Variants in CAST observed in about 807,000 individuals in gnomAD.
The protein encoded by CAST is MIR583 host.
Under a neutral mutation model 119.6 loss-of-function variants are expected in CAST, and 76 were observed. The ratio of observed to expected loss-of-function variants is 0.64; its 90% CI spans 0.53 to 0.77. The LOEUF (loss-of-function observed/expected upper bound fraction) is 0.77. Among genes scored for constraint, CAST ranks in the 30% least tolerant of loss-of-function variants. The pLI, the probability that CAST is intolerant of heterozygous loss-of-function variation, is 0.00. For synonymous variants in CAST, 319 were observed against 331.6 expected (o/e 0.96, Z 0.41); for missense variants, 953 against 946.5 (o/e 1.01, Z -0.09).
chr5:96,682,627 T>C (rs774693038), intron 2 of CAST, among the ~76,000 whole-genome samples: 6 of 152,170 alleles, frequency 3.9e-5, no homozygotes, highest in Admixed American at 1.3e-4. Flanking sequence ...TTCTGATTAC[T>C]CTTTTAAGGA....
the CAST span, among the ~76,000 whole-genome samples, chr5:96,190,423 C>A: frequency 6.6e-5 from 10 of 152,270 alleles, no homozygotes; most frequent in Middle Eastern, 3.4e-3. Context: ...TGCCTGCCCA[C>A]TCTGTGCCAA....
At chr5:96,762,632 A>G in intron 25 of CAST, 1 of 386,834 alleles carries the variant, frequency 2.6e-6, no homozygotes, top group Non-Finnish European at 4.6e-6. Context: ...ATAAGAATTG[A>G]AAGTGCAATA....
chr5:96,360,560 G>A, the CAST span, among the ~76,000 whole-genome samples: 1 of 152,168 alleles, frequency 6.6e-6, no homozygotes, highest in Non-Finnish European at 1.5e-5. Context: ...CTTTCTGTTT[G>A]TTAGTTTTCC....
intron 1 of CAST, among the ~76,000 whole-genome samples, chr5:96,666,604 A>G (rs1478932041): frequency 6.6e-6 from 1 of 152,238 alleles, no homozygotes; most frequent in African/African-American, 2.4e-5. Context: ...GCCTGCAAAA[A>G]GGGCATAGAC....
the CAST span, among the ~76,000 whole-genome samples, chr5:96,354,100 A>G: frequency 6.6e-6 from 1 of 152,106 alleles, no homozygotes; most frequent in East Asian, 1.9e-4. Flanking sequence ...GCTTTACTTT[A>G]AATACATATC....
chr5:96,045,557 T>G, the CAST span, among the ~76,000 whole-genome samples: 3 of 152,300 alleles, frequency 2.0e-5, no homozygotes, highest in African/African-American at 7.2e-5. Context: ...AAGTAAACTT[T>G]GTTCTTGACT....
chr5:96,662,395 G>C lies in CAST; in HGVS notation c.-28G>C, dbSNP rs2150212945. ...CCCGCCACTCTCCGCGGCGCATTCCGGGAGGCAGCGGCCGCAGCGGCCTCG... is the reference window on the plus strand; with the variant it reads ...CCCGCCACTCTCCGCGGCGCATTCCCGGAGGCAGCGGCCGCAGCGGCCTCG... On this transcript the variant is annotated 5_prime_UTR_variant, in exon 1 of 32. Transcript: ENST00000675179. The C allele has an allele frequency of 9.4e-6, 12 of 1,273,678 alleles. No homozygotes were observed. Among genetic ancestry groups the C allele is most frequent in the African/African-American group, 1.8e-5 (1 of 57,138 alleles). 78.9% of individuals were successfully genotyped at this position (1,273,678 alleles called of 1,614,324 possible).
chr5:96,574,613 G>T (rs937847194), intron 1 of CAST, among the ~76,000 whole-genome samples: 2 of 152,114 alleles, frequency 1.3e-5, no homozygotes, highest in African/African-American at 4.8e-5. Context: ...TCTTTGCCTA[G>T]CCCTAATTCT....
the CAST span, chr5:96,433,128 C>G: frequency 7.7e-7 from 1 of 1,292,476 alleles, no homozygotes; most frequent in Non-Finnish European, 1.1e-6. Context: ...CTCCCCCTTC[C>G]CACCCTCGGG....
the CAST span, among the ~76,000 whole-genome samples, chr5:96,013,525 T>C: frequency 6.6e-6 from 1 of 152,144 alleles, no homozygotes; most frequent in Non-Finnish European, 1.5e-5. Flanking sequence ...TCTTTCGCCA[T>C]GATGTGATTA....
At chr5:96,763,266 C>T (rs767817408) in intron 25 of CAST, 1 of 780,588 alleles carries the variant, frequency 1.3e-6, no homozygotes, top group South Asian at 1.3e-5. Context: ...AAAGCCCAGA[C>T]CTGGCCCCGG....
chr5:96,263,941 G>T, the CAST span, among the ~76,000 whole-genome samples: 1 of 152,120 alleles, frequency 6.6e-6, no homozygotes, highest in Non-Finnish European at 1.5e-5. Flanking sequence ...AACAGCATGG[G>T]AAAAACCACC....
chr5:95,979,582 T>C, the CAST span, among the ~76,000 whole-genome samples: 2 of 152,232 alleles, frequency 1.3e-5, no homozygotes, highest in Non-Finnish European at 2.9e-5. Flanking sequence ...TTAAAAATTA[T>C]TTTTGGAAAA....
the CAST span, among the ~76,000 whole-genome samples, chr5:96,037,214 G>A: frequency 6.6e-6 from 1 of 152,098 alleles, no homozygotes; most frequent in Non-Finnish European, 1.5e-5. Context: ...CCATGTAAAG[G>A]TGCCAATAGA....
the CAST span, among the ~76,000 whole-genome samples, chr5:96,171,173 G>A: frequency 4.6e-5 from 7 of 152,160 alleles, no homozygotes; most frequent in East Asian, 9.6e-4. Context: ...CCTATTTTAC[G>A]ACAAGAATTA....
the CAST span, among the ~76,000 whole-genome samples, chr5:96,139,682 A>C: frequency 6.6e-6 from 1 of 151,822 alleles, no homozygotes; most frequent in Non-Finnish European, 1.5e-5. Context: ...CTGGGGAACA[A>C]AAGTGGCCAG....
chr5:96,687,614 A>G (rs1042543301), intron 2 of CAST, among the ~76,000 whole-genome samples: 3 of 152,218 alleles, frequency 2.0e-5, no homozygotes, highest in Non-Finnish European at 4.4e-5. Flanking sequence ...TCTTTTGCAC[A>G]TCAAGCCTCT....
chr5:96,385,676 G>A, the CAST span, among the ~76,000 whole-genome samples: 1 of 152,198 alleles, frequency 6.6e-6, no homozygotes, highest in Non-Finnish European at 1.5e-5. Flanking sequence ...AGAATCTGCA[G>A]TAGATTCCTA....
At chr5:96,618,931 G>A (rs760301483) in intron 1 of CAST, among the ~76,000 whole-genome samples, 6 of 152,250 alleles carry the variant, frequency 3.9e-5, no homozygotes, top group Non-Finnish European at 4.4e-5. Flanking sequence ...CTCCTGAGTC[G>A]AGTGGGGACT....
Sources: allele counts gnomAD v4.1 joint callset (sites outside exome capture counted in the v4.1 genomes callset), GRCh38; gene constraint gnomAD v4.1.1; transcripts MANE v1.5; gene names NCBI Gene and HGNC (gene_info 2026-07-23, HGNC 2026-07-21).